The following UBL3 variants were observed in gnomAD, a reference collection of about 807,000 sequenced individuals.
UBL3 encodes ubiquitin like 3.
Under a neutral mutation model 18.4 loss-of-function variants are expected in UBL3, and 6 were observed. The observed-to-expected ratio is 0.33, with a 90% confidence interval of 0.18 to 0.64. The LOEUF is 0.64. UBL3 is among the 30% of genes least tolerant of loss of function. The probability of loss-of-function intolerance (pLI) is 0.76; values close to 1 mark genes in which losing one functional copy is unlikely to be tolerated. For missense variants in UBL3, 109 were observed against 142.9 expected, an observed-to-expected ratio of 0.76 and a Z score of 1.21; for synonymous variants, 49 against 46.6, an observed-to-expected ratio of 1.05 and a Z score of -0.21.
intron 1 of UBL3, among the ~76,000 whole-genome samples, chr13:29,792,608 T>C (rs1312847714): frequency 6.6e-6 from 1 of 152,216 alleles, no homozygotes; most frequent in Admixed American, 6.5e-5. Context: ...CTAGTGACAC[T>C]GTCACTTAGT....
intron 1 of UBL3, among the ~76,000 whole-genome samples, chr13:29,812,186 TC>T (rs1878107552): frequency 6.6e-6 from 1 of 152,060 alleles, no homozygotes; most frequent in African/African-American, 2.4e-5. Flanking sequence ...CATTATTTAT[TC>T]CCCATGTAAA....
chr13:29,847,583 T>C (rs1396448934), intron 1 of UBL3, among the ~76,000 whole-genome samples: 1 of 152,244 alleles, frequency 6.6e-6, no homozygotes, highest in South Asian at 2.1e-4. Flanking sequence ...GCCACGCACA[T>C]TCCAGCTTTT....
rs1441268855 is a variant in UBL3, at chr13:29,850,186, A to C, written c.-648T>G. ...CGCTCAAGGGCATTTAACTAGTTGGAAGCCAAAGCGAAAGACCGGAGCGGG... is the reference window on the plus strand; with the variant it reads ...CGCTCAAGGGCATTTAACTAGTTGGCAGCCAAAGCGAAAGACCGGAGCGGG... On this transcript the variant is annotated 5_prime_UTR_variant, in exon 1 of 5. Coordinates refer to ENST00000380680, the MANE Select transcript of UBL3 (RefSeq NM_007106.4). 2 of 152,532 alleles carry C rather than the reference A, an allele frequency of 1.3e-5. No individual in the cohort carries two copies. Among genetic ancestry groups the C allele is most frequent in the Non-Finnish European group, 1.5e-5 (1 of 68,316 alleles). The allele number at this position is 152,532 out of a possible 1,614,324, so 9.4% of individuals were successfully genotyped here.
intron 1 of UBL3, among the ~76,000 whole-genome samples, chr13:29,812,481 T>C (rs905803358): frequency 2.0e-5 from 3 of 152,034 alleles, no homozygotes; most frequent in Non-Finnish European, 2.9e-5. Context: ...TACTGAATCA[T>C]TTCCAAGGTC....
chr13:29,813,069 G>A (rs2139342330), intron 1 of UBL3, among the ~76,000 whole-genome samples: 1 of 151,938 alleles, frequency 6.6e-6, no homozygotes, highest in East Asian at 1.9e-4. Flanking sequence ...ACATTTACTT[G>A]GAGAGAACTA....
At chr13:29,835,129 T>TAA (rs1156741342) in intron 1 of UBL3, among the ~76,000 whole-genome samples, 77 of 3,874 alleles carry the variant, frequency 0.02, 5 homozygotes, top group Non-Finnish European at 0.023. Context: ...TATATAAATA[T>TAA]ATATATATAT....
At chr13:29,828,361 G>A (rs1565999540) in intron 1 of UBL3, among the ~76,000 whole-genome samples, 1 of 152,130 alleles carries the variant, frequency 6.6e-6, no homozygotes, top group Non-Finnish European at 1.5e-5. Flanking sequence ...CGTATTTCTT[G>A]GAGGCTTTGT....
At chr13:29,800,162 G>A (rs982530817) in intron 1 of UBL3, among the ~76,000 whole-genome samples, 2 of 152,092 alleles carry the variant, frequency 1.3e-5, no homozygotes, top group Admixed American at 6.5e-5. Context: ...AACACCCTGC[G>A]GTCAATTCAA....
chr13:29,820,512 ACT>A (rs1878405742), intron 1 of UBL3, among the ~76,000 whole-genome samples: 1 of 152,010 alleles, frequency 6.6e-6, no homozygotes, highest in Non-Finnish European at 1.5e-5. Flanking sequence ...CTCAGAATGA[ACT>A]CTGAGTTTAG....
At chr13:29,788,886 CGCGCACGTGTGT>C (rs1469587037) in intron 1 of UBL3, among the ~76,000 whole-genome samples, 2 of 27,286 alleles carry the variant, frequency 7.3e-5, no homozygotes, top group Non-Finnish European at 1.2e-4. Context: ...CGCGCGCGCA[CGCGCACGTGTGT>C]GCGTGTGTGT....
At chr13:29,793,850 T>C (rs1347461480) in intron 1 of UBL3, among the ~76,000 whole-genome samples, 2 of 152,186 alleles carry the variant, frequency 1.3e-5, no homozygotes, top group Admixed American at 1.3e-4. Flanking sequence ...TTGGCTTTTC[T>C]TTTCCTTTTT....
intron 1 of UBL3, among the ~76,000 whole-genome samples, chr13:29,823,235 C>T (rs920701210): frequency 4.6e-5 from 7 of 152,098 alleles, no homozygotes; most frequent in African/African-American, 7.2e-5. Context: ...CTCCATCTCC[C>T]GGGTTCAAGC....
At chr13:29,848,465 A>T (rs900100516) in intron 1 of UBL3, among the ~76,000 whole-genome samples, 7 of 152,050 alleles carry the variant, frequency 4.6e-5, no homozygotes, top group Non-Finnish European at 7.4e-5. Flanking sequence ...CTCAAAAAAT[A>T]AAAATTAAAT....
intron 1 of UBL3, among the ~76,000 whole-genome samples, chr13:29,795,704 G>A (rs1877591216): frequency 6.8e-6 from 1 of 147,842 alleles, no homozygotes; most frequent in African/African-American, 2.5e-5. Flanking sequence ...AGGATCACTT[G>A]AGGCCAGGAG....
At chr13:29,811,495 G>A (rs1021328169) in intron 1 of UBL3, among the ~76,000 whole-genome samples, 3 of 152,024 alleles carry the variant, frequency 2.0e-5, no homozygotes, top group Non-Finnish European at 4.4e-5. Context: ...AAGACTGATG[G>A]GGGCTTCTAG....
At chr13:29,769,864 C>A (rs939302505) in intron 3 of UBL3, among the ~76,000 whole-genome samples, 2 of 152,012 alleles carry the variant, frequency 1.3e-5, no homozygotes, top group South Asian at 4.1e-4. Context: ...CAGAGAATGC[C>A]CAGGCTTCCT....
At chr13:29,822,781 CAAAG>C (rs1878496936) in intron 1 of UBL3, among the ~76,000 whole-genome samples, 4 of 152,070 alleles carry the variant, frequency 2.6e-5, no homozygotes, top group Admixed American at 2.6e-4. Context: ...GTGAAAAACT[CAAAG>C]AACTAAAGGT....
At position 29,764,580 on chromosome 13, in the gene UBL3, T is replaced by C. The variant is rs1441827847; in HGVS notation, c.*2675A>G. The C allele has an allele frequency of 6.6e-6, 1 of 152,228 alleles. No homozygotes were observed. Among genetic ancestry groups the C allele is most frequent in the Non-Finnish European group, 1.5e-5 (1 of 68,042 alleles). 9.4% of individuals were successfully genotyped at this position (152,228 alleles called of 1,614,324 possible). On this transcript the variant is annotated 3_prime_UTR_variant, in exon 5 of 5. Coordinates refer to ENST00000380680, the MANE Select transcript of UBL3 (RefSeq NM_007106.4). The stretch of plus-strand genomic sequence containing the variant: ...TAATGTTAGATACTGTATTTTTCCA[T>C]GGTAAAATACAACTTATCTTGAAGA...
intron 1 of UBL3, among the ~76,000 whole-genome samples, chr13:29,804,643 A>G (rs1877855543): frequency 6.6e-6 from 1 of 152,150 alleles, no homozygotes; most frequent in African/African-American, 2.4e-5. Context: ...GTAATACAAA[A>G]AAAATCCTGG....
Sources: allele counts gnomAD v4.1 joint callset (sites outside exome capture counted in the v4.1 genomes callset), GRCh38; gene constraint gnomAD v4.1.1; transcripts MANE v1.5; gene names NCBI Gene and HGNC (gene_info 2026-07-23, HGNC 2026-07-21).